Variants in ZFHX3 observed in about 807,000 individuals in gnomAD.
ZFHX3 encodes the protein zinc finger homeobox 3, also known as zinc finger homeobox protein 3.
A neutral mutation model predicts 279.1 loss-of-function variants in ZFHX3; 42 were observed. The observed-to-expected ratio is 0.15, with a 90% CI of 0.12 to 0.19. The LOEUF (loss-of-function observed/expected upper bound fraction) is 0.19, where lower values mean the gene tolerates loss of function less well. Among genes scored for constraint, ZFHX3 ranks in the 10% least tolerant of loss-of-function variants. The pLI is 1.00. For synonymous variants in ZFHX3, 2,293 were observed against 1,957.8 expected, an observed-to-expected ratio of 1.17 and a Z score of -4.52; for missense variants, 4,981 against 4,754.0, an observed-to-expected ratio of 1.05 and a Z score of -1.40.
At chr16:72,895,778 C>G (rs1005482417) in intron 3 of ZFHX3, among the ~76,000 whole-genome samples, 1 of 152,166 alleles carries the variant, frequency 6.6e-6, no homozygotes, top group African/African-American at 2.4e-5. Context: ...GAGGTATGAT[C>G]ACACCAGCGT....
chr16:73,170,323 C>T (rs1422679733), intron 5 of ZFHX3, among the ~76,000 whole-genome samples: 1 of 148,486 alleles, frequency 6.7e-6, no homozygotes, highest in Non-Finnish European at 1.5e-5. Context: ...CTCCACCTCC[C>T]GGGTTCAAAC....
At chr16:73,782,641 G>C (rs1959511818) in intron 1 of ZFHX3, among the ~76,000 whole-genome samples, 1 of 152,180 alleles carries the variant, frequency 6.6e-6, no homozygotes, top group Non-Finnish European at 1.5e-5. Context: ...GAATAGGTCT[G>C]AAAAGTGGGC....
chr16:73,405,394 G>A (rs949247255), intron 3 of ZFHX3, among the ~76,000 whole-genome samples: 1 of 152,108 alleles, frequency 6.6e-6, no homozygotes, highest in Admixed American at 6.5e-5. Flanking sequence ...AGGCCAGGGT[G>A]CTCTCCAAAC....
At chr16:72,810,983 T>C (rs2036428327) in intron 7 of ZFHX3, among the ~76,000 whole-genome samples, 1 of 152,120 alleles carries the variant, frequency 6.6e-6, no homozygotes, top group African/African-American at 2.4e-5. Context: ...TGGGCTCAAG[T>C]GATCCTCCCA....
intron 4 of ZFHX3, among the ~76,000 whole-genome samples, chr16:73,297,265 G>A (rs1476837921): frequency 6.6e-6 from 1 of 151,960 alleles, no homozygotes; most frequent in Non-Finnish European, 1.5e-5. Flanking sequence ...AAGCTCGCAA[G>A]TGGTGGAGCC....
intron 3 of ZFHX3, among the ~76,000 whole-genome samples, chr16:72,899,218 T>C (rs898895574): frequency 6.6e-6 from 1 of 152,150 alleles, no homozygotes; most frequent in African/African-American, 2.4e-5. Flanking sequence ...CATCTTGAAG[T>C]GTAGTCCCCA....
intron 1 of ZFHX3, among the ~76,000 whole-genome samples, chr16:73,829,895 G>A: frequency 4.1e-5 from 3 of 72,910 alleles, no homozygotes; most frequent in South Asian, 7.1e-4. Flanking sequence ...GGAGCCTACA[G>A]AGGCAGGCAG....
intron 8 of ZFHX3, among the ~76,000 whole-genome samples, chr16:73,089,486 G>C (rs935073387): frequency 6.6e-6 from 1 of 152,190 alleles, no homozygotes; most frequent in Admixed American, 6.5e-5. Flanking sequence ...ACAGCACAGA[G>C]CTGGGCCACC....
intron 3 of ZFHX3, among the ~76,000 whole-genome samples, chr16:73,358,348 T>G (rs1326939995): frequency 1.3e-5 from 2 of 152,200 alleles, no homozygotes; most frequent in Non-Finnish European, 2.9e-5. Context: ...TGCTCTCTCC[T>G]CCATCACTTG....
chr16:73,281,026 A>AGAGGAGAGGAGAGGAGAGGAGAGGG (rs1555507734), intron 4 of ZFHX3, among the ~76,000 whole-genome samples: 1 of 70,314 alleles, frequency 1.4e-5, no homozygotes, highest in African/African-American at 5.2e-5. Context: ...AGAGGAGAGG[A>AGAGGAGAGGAGAGGAGAGGAGAGGG]GAGGGGAGGG....
chr16:73,802,742 T>C (rs1960178201), intron 1 of ZFHX3, among the ~76,000 whole-genome samples: 1 of 152,148 alleles, frequency 6.6e-6, no homozygotes, highest in African/African-American at 2.4e-5. Flanking sequence ...AAAATAACAA[T>C]AGACATTATT....
intron 1 of ZFHX3, among the ~76,000 whole-genome samples, chr16:73,793,703 A>G (rs1959902442): frequency 6.6e-6 from 1 of 152,056 alleles, no homozygotes; most frequent in South Asian, 2.1e-4. Flanking sequence ...TTTTTTTCCA[A>G]AAGATCAGAC....
intron 5 of ZFHX3, among the ~76,000 whole-genome samples, chr16:73,243,744 T>TTGTGTG (rs34895940): frequency 3.3e-4 from 50 of 150,014 alleles, no homozygotes; most frequent in African/African-American, 1.0e-3. Context: ...CCAACACGTT[T>TTGTGTG]TGTGTGTGTG....
intron 1 of ZFHX3, among the ~76,000 whole-genome samples, chr16:72,979,328 C>T (rs1453969023): frequency 6.6e-6 from 1 of 152,180 alleles, no homozygotes. Context: ...TATTGCTTTG[C>T]TTACCTAAGG....
chr16:72,918,824 T>C (rs375148926), intron 3 of ZFHX3, among the ~76,000 whole-genome samples: 3 of 151,766 alleles, frequency 2.0e-5, no homozygotes, highest in African/African-American at 7.3e-5. Context: ...GCCTCCTGAG[T>C]AGCTGGGATT....
chr16:73,268,167 T>C (rs931620920), intron 4 of ZFHX3, among the ~76,000 whole-genome samples: 4 of 152,224 alleles, frequency 2.6e-5, no homozygotes, highest in Admixed American at 1.3e-4. Flanking sequence ...TTCCTTTTTT[T>C]TCCCTAGACT....
intron 2 of ZFHX3, among the ~76,000 whole-genome samples, chr16:73,479,741 A>G (rs2018831306): frequency 1.3e-5 from 2 of 152,156 alleles, no homozygotes; most frequent in Non-Finnish European, 2.9e-5. Flanking sequence ...CTCACCAAAT[A>G]GGGGAGGGTC....
At chr16:73,665,749 G>A (rs1336619721) in intron 2 of ZFHX3, among the ~76,000 whole-genome samples, 1 of 150,726 alleles carries the variant, frequency 6.6e-6, no homozygotes, top group Non-Finnish European at 1.5e-5. Context: ...TGGCATCACT[G>A]TGGACCAAAT....
chr16:73,632,751 A>G (rs778175399), intron 2 of ZFHX3, among the ~76,000 whole-genome samples: 7 of 151,878 alleles, frequency 4.6e-5, no homozygotes, highest in Non-Finnish European at 1.0e-4. Flanking sequence ...TTTGATGAGC[A>G]TAAAAGCAAT....
Sources: allele counts gnomAD v4.1 joint callset (sites outside exome capture counted in the v4.1 genomes callset), GRCh38; gene constraint gnomAD v4.1.1; transcripts MANE v1.5; gene names NCBI Gene and HGNC (gene_info 2026-07-23, HGNC 2026-07-21).